The following SHANK2 variants were observed in gnomAD, a reference collection of about 807,000 sequenced individuals.
SHANK2 encodes the protein SH3 and multiple ankyrin repeat domains protein 2.
A neutral mutation model predicts 133.7 loss-of-function variants in SHANK2; 43 were observed. The ratio of observed to expected loss-of-function variants is 0.32; its 90% CI spans 0.25 to 0.41. SHANK2 has a LOEUF of 0.41. Ranked by LOEUF, SHANK2 falls within the 10% of genes least tolerant of loss-of-function variation. The probability of loss-of-function intolerance (pLI) is 1.00; values close to 1 mark genes in which losing one functional copy is unlikely to be tolerated. For synonymous variants in SHANK2, 1,017 were observed against 952.8 expected (o/e 1.07, Z -1.24); for missense variants, 1,994 against 2,235.8 (o/e 0.89, Z 2.18).
chr11:71,161,364 G>A (rs1953013533), intron 2 of SHANK2, among the ~76,000 whole-genome samples: 1 of 152,120 alleles, frequency 6.6e-6, no homozygotes, highest in Non-Finnish European at 1.5e-5. Flanking sequence ...TGTCTCTTGT[G>A]GGGAAAATTT....
chr11:70,735,890 AC>A (rs1555033427), intron 14 of SHANK2, among the ~76,000 whole-genome samples: 1 of 150,702 alleles, frequency 6.6e-6, no homozygotes, highest in East Asian at 1.9e-4. Flanking sequence ...TGCTCTCCAA[AC>A]CCTACACCCA....
intron 9 of SHANK2, among the ~76,000 whole-genome samples, chr11:71,069,097 TCATCATTATCAACCACCAC>T (rs1238223550): frequency 1.4e-5 from 2 of 147,006 alleles, no homozygotes; most frequent in African/African-American, 2.5e-5. Flanking sequence ...ATCATCACCA[TCATCATTATCAACCACCAC>T]CATCATCACC....
intron 10 of SHANK2, among the ~76,000 whole-genome samples, chr11:70,953,971 ATG>A (rs1367902299): frequency 1.3e-5 from 2 of 152,136 alleles, no homozygotes; most frequent in African/African-American, 2.4e-5. Context: ...CCGTGTGTGT[ATG>A]TGTGTGTGTG....
rs1156355131 is a variant in SHANK2 at position 71,073,147 on chromosome 11, C to CTTTTT, written c.1029+2007_1029+2011dup. Among the ~76,000 whole-genome samples the CTTTTT allele has an allele frequency of 4.0e-3, 250 of 62,654 alleles. 51 individuals are homozygous for CTTTTT. The highest frequency in any genetic ancestry group is 6.3e-3 in the East Asian group (14 of 2,232). The allele number at this position is 62,654 out of a possible 152,430, so 41.1% of individuals were successfully genotyped here. On this transcript the variant is annotated intron_variant, in intron 9 of 25. Transcript: ENST00000601538. Reference sequence around the variant, plus strand: ...TTTTTGTTTTTTTTCTTTTTCTTTTCTTTTTTTTCTTTTTTTTCTTTTTTT... The same window carrying CTTTTT: ...TTTTTGTTTTTTTTCTTTTTCTTTTCTTTTTTTTTTTTTCTTTTTTTTCTTTTTTT...
At chr11:71,091,347 G>A (rs1184031483) in intron 8 of SHANK2, among the ~76,000 whole-genome samples, 2 of 152,192 alleles carry the variant, frequency 1.3e-5, no homozygotes, top group African/African-American at 4.8e-5. Context: ...AGAAAGCCCA[G>A]GGAGGGCGGG....
chr11:70,610,908 A>G (rs1254987194), intron 17 of SHANK2, among the ~76,000 whole-genome samples: 1 of 152,192 alleles, frequency 6.6e-6, no homozygotes, highest in Non-Finnish European at 1.5e-5. Context: ...AATTTGAAAA[A>G]CAAATGGTCC....
intron 17 of SHANK2, among the ~76,000 whole-genome samples, chr11:70,561,190 G>A (rs7123213): frequency 0.58 from 88,491 of 151,822 alleles, 26,056 homozygotes; most frequent in South Asian, 0.72. Context: ...GTCTCACTCC[G>A]TCACCCAGGC....
intron 10 of SHANK2, among the ~76,000 whole-genome samples, chr11:70,932,679 C>G (rs1950519097): frequency 6.6e-6 from 1 of 152,192 alleles, no homozygotes; most frequent in South Asian, 2.1e-4. Context: ...TCAGAGACCC[C>G]ATGTGGGGAC....
intron 8 of SHANK2, among the ~76,000 whole-genome samples, 197 bp from the exon 9 acceptor site, chr11:71,075,472 T>C (rs906928363): frequency 6.6e-6 from 1 of 152,150 alleles, no homozygotes. Flanking sequence ...CCCCTGGCTG[T>C]GGATCAGGGA....
At chr11:70,634,803 G>A (rs1555003366) in intron 17 of SHANK2, 2 of 152,268 alleles carry the variant, frequency 1.3e-5, no homozygotes, top group African/African-American at 2.4e-5. Flanking sequence ...AAAGGTCGCA[G>A]TGAGGTGAGA....
chr11:70,500,420 A>G lies in SHANK2; in HGVS notation c.2308+150T>C. On this transcript the variant is annotated intron_variant, in intron 21 of 25. Coordinates refer to ENST00000601538, the MANE Select transcript of SHANK2 (RefSeq NM_012309.5). The surrounding 1 kb of genome is among the most constrained non-coding windows in gnomAD (Gnocchi z 4.5). ...AAGAACAGACAGATGAATGTGCTCC[A>G]GGGCGGCAGGGCTCCTCGGGCAGGA... 1 of 980,602 alleles carries G rather than the reference A, an allele frequency of 1.0e-6. No individual in the cohort carries two copies. Among genetic ancestry groups the G allele is most frequent in the Non-Finnish European group, 1.6e-6 (1 of 637,942 alleles). The allele number at this position is 980,602 out of a possible 1,614,324, so 60.7% of individuals were successfully genotyped here.
intron 17 of SHANK2, among the ~76,000 whole-genome samples, chr11:70,525,266 C>T (rs782156260): frequency 2.0e-5 from 3 of 152,212 alleles, no homozygotes; most frequent in Non-Finnish European, 2.9e-5. Flanking sequence ...TCCTGGGCCA[C>T]GGTGTATACC....
chr11:70,711,143 C>A lies in SHANK2; in HGVS notation c.1778-12380G>T, dbSNP rs187030947. 1.8e-4 allele frequency among the ~76,000 whole-genome samples: 27 copies of A among 152,306 alleles called. No homozygotes were observed. The East Asian group carries it at 5.0e-3, about 28-fold the overall frequency. On this transcript the variant is annotated intron_variant, in intron 14 of 25. Coordinates refer to ENST00000601538, the MANE Select transcript of SHANK2 (RefSeq NM_012309.5). ...AAGAGGCAAAAATCACAGCAGTGGG[C>A]TCTGGGGCGGGGTGGGGTCCCCAGG... is the stretch of plus-strand genomic sequence containing the variant.
In SHANK2 at chr11:71,188,946, C is replaced by T. The variant is rs548769776; in HGVS notation, c.-13+35751G>A. The stretch of plus-strand genomic sequence containing the variant: ...ACAGCAGGAGCGGGCCCCAGCTCCA[C>T]GGCCCCCCACTCCCACCTAGATGGA... On this transcript the variant is annotated intron_variant, in intron 2 of 25. Coordinates refer to ENST00000601538, the MANE Select transcript of SHANK2 (RefSeq NM_012309.5). The surrounding 1 kb of genome is among the most constrained non-coding windows in gnomAD (Gnocchi z 4.6). Among the ~76,000 whole-genome samples, 13 of 152,334 alleles carry T rather than the reference C, an allele frequency of 8.5e-5. No homozygotes were observed. The Middle Eastern group carries it at 0.014, about 159-fold the overall frequency.
intron 17 of SHANK2, among the ~76,000 whole-genome samples, chr11:70,615,711 A>AGCG (rs570664386): frequency 2.0e-4 from 30 of 152,310 alleles, no homozygotes; most frequent in Non-Finnish European, 3.8e-4. Flanking sequence ...CAAGGTGGTA[A>AGCG]GCGGCGCGTG....
At chr11:71,206,290 A>G (rs1031622863) in intron 2 of SHANK2, among the ~76,000 whole-genome samples, 1 of 152,120 alleles carries the variant, frequency 6.6e-6, no homozygotes, top group Admixed American at 6.5e-5. Flanking sequence ...GCATCCGCAC[A>G]CCCGGATCTC....
chr11:70,729,779 T>C (rs12286743), intron 14 of SHANK2, among the ~76,000 whole-genome samples: 89,939 of 150,796 alleles, frequency 0.6, 27,978 homozygotes, highest in African/African-American at 0.79. Context: ...ATGATCTGCC[T>C]GCCTCAGCCT....
chr11:71,199,816 G>A (rs7952604), intron 2 of SHANK2, among the ~76,000 whole-genome samples: 35,330 of 152,050 alleles, frequency 0.23, 4,704 homozygotes, highest in East Asian at 0.42. Flanking sequence ...CCCTGTAGCC[G>A]TGAGCTGCTG....
At chr11:71,145,386 C>T (rs61887393) in intron 3 of SHANK2, among the ~76,000 whole-genome samples, 3 of 152,240 alleles carry the variant, frequency 2.0e-5, no homozygotes, top group Non-Finnish European at 4.4e-5. Flanking sequence ...CAAAGCTGTC[C>T]TGGGCTGCAT....
Sources: gnomAD v4.1 joint callset for allele counts (sites outside exome capture counted in the v4.1 genomes callset) on GRCh38, gnomAD v4.1.1 for gene constraint, Gnocchi (gnomAD v3.1) non-coding constraint, MANE v1.5 for transcripts, NCBI Gene and HGNC (gene_info 2026-07-23, HGNC 2026-07-21) for gene names.